CCDC91: variants seen among roughly 807,000 people sequenced by gnomAD.
CCDC91 encodes coiled-coil domain containing 91.
In CCDC91, 48 loss-of-function variants were observed where a neutral mutation model predicts 63.2. That is an observed-to-expected ratio of 0.76 (90% CI 0.60 to 0.97). The LOEUF (loss-of-function observed/expected upper bound fraction) is 0.97. CCDC91 is among the 50% of genes least tolerant of loss of function. CCDC91 has a pLI of 0.00. For synonymous variants in CCDC91, 167 were observed against 165.8 expected (o/e 1.01, Z -0.06); for missense variants, 500 against 494.6 (o/e 1.01, Z -0.10).
intron 8 of CCDC91, among the ~76,000 whole-genome samples, chr12:28,440,243 A>G (rs1463982808): frequency 6.6e-6 from 1 of 152,220 alleles, no homozygotes; most frequent in Non-Finnish European, 1.5e-5. Flanking sequence ...AAGTAGGAAT[A>G]ATAGTGAAGC....
chr12:28,272,575 T>C (rs1289963975), intron 3 of CCDC91, among the ~76,000 whole-genome samples: 1 of 152,074 alleles, frequency 6.6e-6, no homozygotes, highest in Non-Finnish European at 1.5e-5. Context: ...GTCCATTGAA[T>C]TTATAATTTC....
intron 6 of CCDC91, among the ~76,000 whole-genome samples, chr12:28,347,059 T>G (rs1415204226): frequency 6.6e-6 from 1 of 152,196 alleles, no homozygotes; most frequent in African/African-American, 2.4e-5. Flanking sequence ...CTGGAGGCCA[T>G]CCTCTGGTTT....
intron 8 of CCDC91, among the ~76,000 whole-genome samples, chr12:28,436,026 C>CT (rs1049751732): frequency 9.2e-5 from 14 of 151,740 alleles, no homozygotes; most frequent in African/African-American, 3.1e-4. Context: ...ATAATTCAGC[C>CT]TTTTTTGCTC....
At chr12:28,216,064 AAAG>A (rs766206865) in intron 1 of CCDC91, among the ~76,000 whole-genome samples, 1 of 152,108 alleles carries the variant, frequency 6.6e-6, no homozygotes. Flanking sequence ...TTTTTTAAGT[AAAG>A]AAGGAGTAAT....
chr12:28,508,632 T>C (rs896065845), intron 12 of CCDC91, among the ~76,000 whole-genome samples: 1 of 151,888 alleles, frequency 6.6e-6, no homozygotes, highest in African/African-American at 2.4e-5. Flanking sequence ...TCTTGACATG[T>C]GGAGCCTGAA....
chr12:28,493,018 GTTGT>G (rs1261918397), intron 12 of CCDC91, among the ~76,000 whole-genome samples: 1 of 151,560 alleles, frequency 6.6e-6, no homozygotes, highest in Non-Finnish European at 1.5e-5. Flanking sequence ...GGAAATTTAA[GTTGT>G]TTAAGTAAAA....
intron 12 of CCDC91, among the ~76,000 whole-genome samples, chr12:28,531,225 C>T (rs541531999): frequency 2.6e-5 from 4 of 151,916 alleles, no homozygotes; most frequent in Non-Finnish European, 4.4e-5. Context: ...TTGGTAATGC[C>T]GTGAAGAAAT....
At chr12:28,526,330 C>G (rs1206988073) in intron 12 of CCDC91, among the ~76,000 whole-genome samples, 1 of 151,948 alleles carries the variant, frequency 6.6e-6, no homozygotes, top group African/African-American at 2.4e-5. Flanking sequence ...GTTTGTTTGT[C>G]TGAAAAAGAC....
chr12:28,272,959 A>G (rs1425815719), intron 3 of CCDC91, among the ~76,000 whole-genome samples: 5 of 151,734 alleles, frequency 3.3e-5, no homozygotes, highest in Admixed American at 6.6e-5. Context: ...ATTTAACATT[A>G]GGTATATCTC....
At chr12:28,530,623 A>G (rs1941653439) in intron 12 of CCDC91, among the ~76,000 whole-genome samples, 1 of 152,184 alleles carries the variant, frequency 6.6e-6, no homozygotes, top group Non-Finnish European at 1.5e-5. Flanking sequence ...TGTCAGCAGA[A>G]AAGAACATGG....
chr12:28,427,387 C>T (rs1443535615), intron 8 of CCDC91, among the ~76,000 whole-genome samples: 1 of 152,068 alleles, frequency 6.6e-6, no homozygotes, highest in African/African-American at 2.4e-5. Flanking sequence ...CTTCCCTTCG[C>T]CAGAACCATG....
chr12:28,311,887 T>G (rs974627110), intron 6 of CCDC91, among the ~76,000 whole-genome samples: 2 of 151,934 alleles, frequency 1.3e-5, no homozygotes, highest in Non-Finnish European at 2.9e-5. Context: ...CACTCCCCAG[T>G]TTGGGATATA....
chr12:28,405,962 A>T (rs1946910911), intron 8 of CCDC91, among the ~76,000 whole-genome samples: 1 of 152,170 alleles, frequency 6.6e-6, no homozygotes, highest in South Asian at 2.1e-4. Context: ...AAATCTGCAA[A>T]ATAAGAGTAT....
intron 8 of CCDC91, among the ~76,000 whole-genome samples, chr12:28,407,862 A>C (rs2139645063): frequency 6.6e-6 from 1 of 151,780 alleles, no homozygotes; most frequent in Middle Eastern, 3.4e-3. Flanking sequence ...TTTAACTTTT[A>C]TAGTTTTTAG....
chr12:28,286,064 C>G (rs970744653), intron 3 of CCDC91, among the ~76,000 whole-genome samples: 4 of 151,800 alleles, frequency 2.6e-5, no homozygotes, highest in Admixed American at 2.6e-4. Flanking sequence ...AGTTCTTTTT[C>G]TACAGTATGC....
chr12:28,396,642 TTTTGTGTGTGTGTGTG>T lies in CCDC91; in HGVS notation c.762+5233_762+5248del, dbSNP rs1162066444. 9.3e-3 allele frequency among the ~76,000 whole-genome samples: 1,384 copies of T among 148,606 alleles called. 27 individuals carry two copies. The highest frequency in any genetic ancestry group is 0.033 in the African/African-American group (1,305 of 39,812). On this transcript the variant is annotated intron_variant, in intron 8 of 12. Coordinates refer to ENST00000536442, the MANE Select transcript of CCDC91 (RefSeq NM_018318.5). ...AGTAGATGCTCATTGATAAAGGAGATTTTGTGTGTGTGTGTGTGTGTGTGTGTGTGTGTGTGTGGGC... is the reference window on the plus strand; with the variant it reads ...AGTAGATGCTCATTGATAAAGGAGATTGTGTGTGTGTGTGTGTGTGTGGGC...
At chr12:28,379,672 G>A (rs1945168818) in intron 7 of CCDC91, among the ~76,000 whole-genome samples, 2 of 152,148 alleles carry the variant, frequency 1.3e-5, no homozygotes. Context: ...TGGAGAGGAT[G>A]TGGAGAAATA....
chr12:28,306,673 T>C, intron 4 of CCDC91, 69 bp from the exon 5 acceptor site: 15 of 1,075,472 alleles, frequency 1.4e-5, no homozygotes, highest in Non-Finnish European at 2.0e-5. Flanking sequence ...TAGTGCCCTT[T>C]GGATGTTTTC....
chr12:28,304,766 T>A, intron 3 of CCDC91: 1 of 579,480 alleles, frequency 1.7e-6, no homozygotes, highest in Admixed American at 3.7e-5. Context: ...AAAAAGTGAC[T>A]CACTTTCCTT....
Sources: allele counts gnomAD v4.1 joint callset (sites outside exome capture counted in the v4.1 genomes callset), GRCh38; gene constraint gnomAD v4.1.1; transcripts MANE v1.5; gene names NCBI Gene and HGNC (gene_info 2026-07-23, HGNC 2026-07-21).